Variants in FSTL5 observed in about 807,000 individuals in gnomAD.
The protein encoded by FSTL5 is follistatin-related protein 5.
In FSTL5, 62 loss-of-function variants were observed where a neutral mutation model predicts 89.1. That is an observed-to-expected ratio of 0.70 (90% CI 0.57 to 0.86). The LOEUF (loss-of-function observed/expected upper bound fraction) is 0.86, where lower values mean the gene tolerates loss of function less well. Ranked by LOEUF, FSTL5 falls within the 40% of genes least tolerant of loss-of-function variation. FSTL5 has a pLI of 0.00. For synonymous variants in FSTL5, 383 were observed against 346.2 expected, an observed-to-expected ratio of 1.11 and a Z score of -1.18; for missense variants, 1,057 against 1,001.6, an observed-to-expected ratio of 1.06 and a Z score of -0.75.
intron 1 of FSTL5, among the ~76,000 whole-genome samples, chr4:162,153,734 ATG>A (rs1733345216): frequency 2.3e-4 from 24 of 106,166 alleles, no homozygotes; most frequent in African/African-American, 6.1e-4. Flanking sequence ...ATATGTATAT[ATG>A]TATATAATAA....
At chr4:161,623,804 CAGAGA>C (rs1197199235) in intron 7 of FSTL5, among the ~76,000 whole-genome samples, 1 of 151,912 alleles carries the variant, frequency 6.6e-6, no homozygotes, top group Non-Finnish European at 1.5e-5. Context: ...ATCCATACTT[CAGAGA>C]AGAGTTCTGT....
intron 7 of FSTL5, among the ~76,000 whole-genome samples, chr4:161,620,425 T>A (rs918369488): frequency 6.6e-5 from 10 of 152,110 alleles, no homozygotes; most frequent in Non-Finnish European, 1.5e-5. Flanking sequence ...GAGGCCAAGA[T>A]GGGCAGGTCA....
At chr4:161,726,844 T>G (rs1393924601) in intron 6 of FSTL5, among the ~76,000 whole-genome samples, 4 of 150,924 alleles carry the variant, frequency 2.7e-5, no homozygotes, top group African/African-American at 7.3e-5. Context: ...AATTACTGAT[T>G]AAGGGATTCT....
At chr4:162,097,337 T>C (rs866462299) in intron 2 of FSTL5, among the ~76,000 whole-genome samples, 26 of 151,942 alleles carry the variant, frequency 1.7e-4, no homozygotes, top group African/African-American at 5.8e-4. Flanking sequence ...TATACGCATA[T>C]ATTTGTGTGT....
At chr4:162,115,160 C>A (rs1298596808) in intron 1 of FSTL5, among the ~76,000 whole-genome samples, 1 of 152,080 alleles carries the variant, frequency 6.6e-6, no homozygotes, top group Non-Finnish European at 1.5e-5. Flanking sequence ...TTCTGTGCTC[C>A]TCTTTTGTAA....
chr4:161,531,501 C>A (rs72685726), intron 10 of FSTL5, among the ~76,000 whole-genome samples: 11,579 of 152,172 alleles, frequency 0.076, 574 homozygotes, highest in Middle Eastern at 0.15. Context: ...TACCTCTCTT[C>A]TCTGCATCTT....
chr4:161,889,314 A>G (rs568749068), intron 4 of FSTL5, among the ~76,000 whole-genome samples: 1 of 152,222 alleles, frequency 6.6e-6, no homozygotes, highest in Admixed American at 6.5e-5. Flanking sequence ...GTGCAGGGTA[A>G]TGGTAATCCA....
chr4:162,096,558 A>G (rs1402510201), intron 2 of FSTL5, among the ~76,000 whole-genome samples: 1 of 151,850 alleles, frequency 6.6e-6, no homozygotes, highest in Non-Finnish European at 1.5e-5. Flanking sequence ...TCAACATAAA[A>G]CAGAATGAAA....
chr4:161,587,771 GCAT>G (rs768767602), intron 7 of FSTL5, among the ~76,000 whole-genome samples, 196 bp from the exon 8 acceptor site: 2 of 152,206 alleles, frequency 1.3e-5, no homozygotes, highest in South Asian at 2.1e-4. Context: ...TGTTTAAAAA[GCAT>G]CATATCACTC....
intron 4 of FSTL5, among the ~76,000 whole-genome samples, chr4:161,829,386 A>C (rs1458912660): frequency 2.6e-5 from 4 of 151,602 alleles, no homozygotes; most frequent in Non-Finnish European, 4.4e-5. Context: ...AGTGAATAGA[A>C]GGAGTTCTGC....
chr4:161,411,918 G>T (rs1731607073), intron 15 of FSTL5, among the ~76,000 whole-genome samples: 1 of 152,188 alleles, frequency 6.6e-6, no homozygotes, highest in South Asian at 2.1e-4. Flanking sequence ...CTTCACTGAT[G>T]ATGTGATTCT....
intron 3 of FSTL5, among the ~76,000 whole-genome samples, chr4:161,992,888 A>G (rs55676869): frequency 1.6e-4 from 3 of 18,566 alleles, no homozygotes; most frequent in African/African-American, 3.7e-4. Flanking sequence ...ATATATATAT[A>G]TATATATATG....
chr4:161,635,772 T>A (rs1299437395), intron 7 of FSTL5, among the ~76,000 whole-genome samples: 5 of 152,204 alleles, frequency 3.3e-5, no homozygotes, highest in African/African-American at 4.8e-5. Flanking sequence ...AGAAATGTTA[T>A]ATATCATGAT....
intron 3 of FSTL5, among the ~76,000 whole-genome samples, chr4:161,946,800 A>C (rs926491174): frequency 6.6e-6 from 1 of 152,162 alleles, no homozygotes; most frequent in South Asian, 2.1e-4. Flanking sequence ...AGTTAATTTT[A>C]TAATACACTG....
rs1472434487 is a variant in FSTL5, at chr4:162,004,441, C to T, written c.160+29184G>A. 2.0e-5 allele frequency among the ~76,000 whole-genome samples: 3 copies of T among 152,136 alleles called. No homozygotes were observed. The South Asian group carries it at 6.2e-4, about 31-fold the overall frequency. ...CTGTGCTTACTTCTTGGACCTCATA[C>T]CAACCTCCACTTCACTCAAAATGAT... On this transcript the variant is annotated intron_variant, in intron 3 of 15. Transcript: ENST00000306100.
intron 2 of FSTL5, among the ~76,000 whole-genome samples, chr4:162,072,122 A>C (rs1374769507): frequency 1.3e-5 from 2 of 151,784 alleles, no homozygotes; most frequent in African/African-American, 4.8e-5. Flanking sequence ...TTTTAAATCA[A>C]ATGGCAGGCA....
intron 7 of FSTL5, among the ~76,000 whole-genome samples, chr4:161,617,529 G>A (rs1398760682): frequency 6.6e-6 from 1 of 152,070 alleles, no homozygotes; most frequent in Non-Finnish European, 1.5e-5. Flanking sequence ...GAAGAAAATT[G>A]AAACTGGACA....
At chr4:161,778,128 G>T (rs1741488882) in intron 4 of FSTL5, among the ~76,000 whole-genome samples, 1 of 146,360 alleles carries the variant, frequency 6.8e-6, no homozygotes, top group East Asian at 2.0e-4. Flanking sequence ...ACACACAAAA[G>T]GAAGAAAAAA....
chr4:161,482,554 C>T (rs1729550634), intron 12 of FSTL5, among the ~76,000 whole-genome samples: 1 of 152,030 alleles, frequency 6.6e-6, no homozygotes. Context: ...ACTCATAAGA[C>T]AAAAATCAAC....
Sources: allele counts gnomAD v4.1 joint callset (sites outside exome capture counted in the v4.1 genomes callset), GRCh38; gene constraint gnomAD v4.1.1; transcripts MANE v1.5; gene names NCBI Gene and HGNC (gene_info 2026-07-23, HGNC 2026-07-21).